KAZN: variants seen among roughly 807,000 people sequenced by gnomAD.
KAZN encodes kazrin, periplakin interacting protein, also known as kazrin.
In KAZN, 40 loss-of-function variants were observed where a neutral mutation model predicts 87.4. That is an observed-to-expected ratio of 0.46 (90% confidence interval 0.36 to 0.60). The LOEUF (loss-of-function observed/expected upper bound fraction) is 0.60. Among genes scored for constraint, KAZN ranks in the 20% least tolerant of loss-of-function variants. KAZN has a pLI of 0.00. For missense variants in KAZN, 898 were observed against 1,073.9 expected (o/e 0.84, Z 2.29); for synonymous variants, 466 against 458.3 (o/e 1.02, Z -0.22).
At chr1:14,177,826 A>AAT (rs1381104923) in intron 1 of KAZN, among the ~76,000 whole-genome samples, 2 of 150,424 alleles carry the variant, frequency 1.3e-5, no homozygotes, top group Admixed American at 6.6e-5. Flanking sequence ...ATTTGATTAT[A>AAT]ATATGCCTTG....
At chr1:14,333,932 A>T (rs976458150) in intron 2 of KAZN, among the ~76,000 whole-genome samples, 5 of 152,088 alleles carry the variant, frequency 3.3e-5, no homozygotes, top group African/African-American at 1.2e-4. Context: ...GGAAGGACTG[A>T]GGCCATCACC....
At chr1:14,050,027 G>A (rs555383271) in intron 1 of KAZN, among the ~76,000 whole-genome samples, 55 of 152,140 alleles carry the variant, frequency 3.6e-4, no homozygotes, top group Non-Finnish European at 5.6e-4. Context: ...GTGCATGTGG[G>A]CATGCATGTG....
At chr1:14,125,917 G>A (rs1174725959) in intron 1 of KAZN, among the ~76,000 whole-genome samples, 6 of 139,364 alleles carry the variant, frequency 4.3e-5, no homozygotes, top group African/African-American at 1.6e-4. Context: ...GAAGGCAGGT[G>A]TAACTGCAGC....
intron 2 of KAZN, among the ~76,000 whole-genome samples, chr1:14,233,451 T>C (rs1258628732): frequency 1.3e-5 from 2 of 152,218 alleles, no homozygotes; most frequent in Non-Finnish European, 2.9e-5. Flanking sequence ...CTAAATTCTA[T>C]ATTGATTGCT....
chr1:14,715,792 C>T (rs1642762261), intron 1 of KAZN, among the ~76,000 whole-genome samples: 1 of 152,184 alleles, frequency 6.6e-6, no homozygotes, highest in Non-Finnish European at 1.5e-5. Context: ...TAAAAGGCCT[C>T]TCCGAAGAGT....
chr1:14,222,020 TA>T (rs1647111607), intron 2 of KAZN: 1 of 152,222 alleles, frequency 6.6e-6, no homozygotes, highest in Admixed American at 6.5e-5. Flanking sequence ...AGGAAGTTTA[TA>T]AGCTGGTTGC....
At chr1:13,906,358 A>G (rs12048233) in intron 1 of KAZN, among the ~76,000 whole-genome samples, 7,702 of 152,270 alleles carry the variant, frequency 0.051, 519 homozygotes, top group East Asian at 0.35. Flanking sequence ...CAGGCTGGAG[A>G]GAGAAATACA....
intron 1 of KAZN, among the ~76,000 whole-genome samples, chr1:13,988,992 C>T (rs1639153959): frequency 6.6e-6 from 1 of 152,046 alleles, no homozygotes; most frequent in Non-Finnish European, 1.5e-5. Context: ...TATTGGCTTA[C>T]AGTTACAGAG....
chr1:14,076,441 C>A (rs2101575462), intron 1 of KAZN, among the ~76,000 whole-genome samples: 1 of 152,272 alleles, frequency 6.6e-6, no homozygotes, highest in African/African-American at 2.4e-5. Context: ...GGAACAGATT[C>A]TCCATCACAT....
At chr1:14,837,989 G>A (rs1647471217) in intron 1 of KAZN, among the ~76,000 whole-genome samples, 1 of 152,164 alleles carries the variant, frequency 6.6e-6, no homozygotes, top group African/African-American at 2.4e-5. Flanking sequence ...TAAATGGACT[G>A]AGACTGGATG....
chr1:15,060,550 C>A, intron 6 of KAZN: 1 of 520,844 alleles, frequency 1.9e-6, no homozygotes, highest in Non-Finnish European at 3.4e-6. Flanking sequence ...GGGCCTGGGT[C>A]GGCCGCAGGC....
chr1:13,958,866 A>G (rs964745063), intron 1 of KAZN, among the ~76,000 whole-genome samples: 8 of 152,180 alleles, frequency 5.3e-5, no homozygotes, highest in Non-Finnish European at 8.8e-5. Flanking sequence ...TGAGAAATGC[A>G]GGAGCTAGGC....
chr1:14,974,781 C>T (rs1665431299), intron 2 of KAZN, among the ~76,000 whole-genome samples: 1 of 152,150 alleles, frequency 6.6e-6, no homozygotes, highest in Non-Finnish European at 1.5e-5. Context: ...ACAGAAAGCT[C>T]CTGTAGGAAC....
chr1:15,074,644 C>T (rs943388952), intron 8 of KAZN, among the ~76,000 whole-genome samples: 12 of 152,120 alleles, frequency 7.9e-5, no homozygotes, highest in Non-Finnish European at 1.6e-4. Context: ...CATTGAGCAA[C>T]GCCTCCCCAG....
At chr1:14,151,948 G>T (rs1217087496) in intron 1 of KAZN, among the ~76,000 whole-genome samples, 2 of 152,188 alleles carry the variant, frequency 1.3e-5, no homozygotes, top group Non-Finnish European at 2.9e-5. Context: ...CAAGAAAAGA[G>T]AATTTAATTC....
At chr1:15,055,121 T>C (rs1157198407) in intron 4 of KAZN, among the ~76,000 whole-genome samples, 1 of 152,260 alleles carries the variant, frequency 6.6e-6, no homozygotes, top group African/African-American at 2.4e-5. Flanking sequence ...CAAACACCTT[T>C]TTCTTACAAT....
chr1:14,024,388 T>C (rs1324564439), intron 1 of KAZN, among the ~76,000 whole-genome samples: 3 of 152,236 alleles, frequency 2.0e-5, no homozygotes, highest in Non-Finnish European at 2.9e-5. Context: ...AAAGATCACA[T>C]ATACTCACAC....
chr1:14,614,577 C>T (rs1450593752), intron 1 of KAZN, among the ~76,000 whole-genome samples: 1 of 152,202 alleles, frequency 6.6e-6, no homozygotes, highest in African/African-American at 2.4e-5. Context: ...ACCTCCCGCG[C>T]TGGGTTTAGA....
intron 1 of KAZN, among the ~76,000 whole-genome samples, chr1:14,827,565 C>T (rs1479381899): frequency 1.3e-5 from 2 of 152,176 alleles, no homozygotes; most frequent in East Asian, 1.9e-4. Flanking sequence ...ACTAGGCTGA[C>T]AGACAGTAAA....
Sources: gnomAD v4.1 joint callset for allele counts (sites outside exome capture counted in the v4.1 genomes callset) on GRCh38, gnomAD v4.1.1 for gene constraint, MANE v1.5 for transcripts, NCBI Gene and HGNC (gene_info 2026-07-23, HGNC 2026-07-21) for gene names.